Variants in CAMK1D observed in about 807,000 individuals in gnomAD.
CAMK1D encodes the protein calcium/calmodulin-dependent protein kinase type 1D.
In CAMK1D, 9 loss-of-function variants were observed where a neutral mutation model predicts 47.7. The observed-to-expected ratio is 0.19, with a 90% confidence interval of 0.11 to 0.33. CAMK1D has a LOEUF of 0.33. Ranked by LOEUF, CAMK1D falls within the 10% of genes least tolerant of loss-of-function variation. The pLI is 1.00. For missense variants in CAMK1D, 291 were observed against 488.7 expected (o/e 0.60, Z 3.81); for synonymous variants, 184 against 184.9 (o/e 0.99, Z 0.04).
At chr10:12,590,659 G>C (rs929062573) in intron 2 of CAMK1D, among the ~76,000 whole-genome samples, 1 of 152,188 alleles carries the variant, frequency 6.6e-6, no homozygotes, top group Admixed American at 6.5e-5. Context: ...TTCCAGATCA[G>C]CTCATAATGA....
chr10:12,749,859 G>T (rs1356396055), intron 3 of CAMK1D, among the ~76,000 whole-genome samples: 2 of 152,188 alleles, frequency 1.3e-5, no homozygotes, highest in Non-Finnish European at 2.9e-5. Context: ...CTCCCAAAGT[G>T]CTGGGATGAC....
intron 2 of CAMK1D, among the ~76,000 whole-genome samples, chr10:12,627,347 A>G (rs933588070): frequency 2.0e-5 from 3 of 152,048 alleles, no homozygotes; most frequent in African/African-American, 7.2e-5. Flanking sequence ...TGCCTCCCAA[A>G]GTGCTGGGAT....
chr10:12,814,125 C>A, intron 6 of CAMK1D, 70 bp from the exon 7 acceptor site: 1 of 1,017,396 alleles, frequency 9.8e-7, no homozygotes, highest in Non-Finnish European at 1.5e-6. Flanking sequence ...TCTCTTCCTT[C>A]CAGGCAAAGT....
chr10:12,595,604 G>T (rs554444942), intron 2 of CAMK1D, among the ~76,000 whole-genome samples: 2 of 151,686 alleles, frequency 1.3e-5, no homozygotes, highest in Non-Finnish European at 2.9e-5. Context: ...AGTCCAACGT[G>T]CGTGCTCTGG....
chr10:12,814,320 T>G lies in CAMK1D; in HGVS notation c.754+13T>G. The G allele has an allele frequency of 6.4e-7, 1 of 1,558,424 alleles. No homozygotes were observed. Among genetic ancestry groups the G allele is most frequent in the Non-Finnish European group, 8.9e-7 (1 of 1,129,532 alleles). On this transcript the variant is annotated intron_variant, in intron 7 of 10. Transcript: ENST00000619168. ...ATCTCCGACTCTGGTAGGTCTCCCA[T>G]AGGCAGCTCCCAGTGGGCGGCCCCC...
intron 1 of CAMK1D, among the ~76,000 whole-genome samples, chr10:12,438,970 A>C (rs1832707171): frequency 1.3e-5 from 2 of 152,100 alleles, no homozygotes; most frequent in South Asian, 4.2e-4. Context: ...CTTTCTATGG[A>C]ATTTTCCCCA....
chr10:12,589,452 C>A (rs1355677459), intron 2 of CAMK1D, among the ~76,000 whole-genome samples: 1 of 152,234 alleles, frequency 6.6e-6, no homozygotes, highest in Non-Finnish European at 1.5e-5. Context: ...CATGGCTGAG[C>A]TTCACTGACC....
chr10:12,570,383 T>G (rs556088733), intron 2 of CAMK1D, among the ~76,000 whole-genome samples: 1 of 151,952 alleles, frequency 6.6e-6, no homozygotes, highest in East Asian at 1.9e-4. Context: ...TTTACCTTTT[T>G]CAGATCTATG....
intron 1 of CAMK1D, among the ~76,000 whole-genome samples, chr10:12,542,511 T>G (rs1257543965): frequency 6.6e-6 from 1 of 152,108 alleles, no homozygotes; most frequent in Non-Finnish European, 1.5e-5. Context: ...TTTCACCGAG[T>G]GGTTGGTTTA....
chr10:12,514,729 A>G (rs1835137819), intron 1 of CAMK1D, among the ~76,000 whole-genome samples: 1 of 152,284 alleles, frequency 6.6e-6, no homozygotes, highest in Non-Finnish European at 1.5e-5. Context: ...AGCTTGAAAG[A>G]AGAAATGATA....
At chr10:12,771,176 C>A (rs1837021676) in intron 5 of CAMK1D, among the ~76,000 whole-genome samples, 1 of 152,178 alleles carries the variant, frequency 6.6e-6, no homozygotes, top group Non-Finnish European at 1.5e-5. Flanking sequence ...GTGATCCGCC[C>A]ACCTCAGCCT....
At chr10:12,508,962 G>A (rs575105748) in intron 1 of CAMK1D, among the ~76,000 whole-genome samples, 1 of 152,322 alleles carries the variant, frequency 6.6e-6, no homozygotes, top group East Asian at 1.9e-4. Context: ...CGTTTGTCCT[G>A]TTCATTGATG....
chr10:12,714,022 C>A (rs547760742), intron 3 of CAMK1D, among the ~76,000 whole-genome samples: 68 of 152,308 alleles, frequency 4.5e-4, no homozygotes, highest in African/African-American at 1.3e-3. Context: ...ACAGCTGGTA[C>A]CATCAGGCTG....
intron 3 of CAMK1D, among the ~76,000 whole-genome samples, chr10:12,757,022 G>T (rs1331490828): frequency 1.3e-5 from 2 of 152,206 alleles, no homozygotes; most frequent in African/African-American, 2.4e-5. Context: ...GAGAATTTTT[G>T]ACTATCTCTT....
chr10:12,523,625 A>G (rs1314732587), intron 1 of CAMK1D, among the ~76,000 whole-genome samples: 1 of 152,190 alleles, frequency 6.6e-6, no homozygotes, highest in African/African-American at 2.4e-5. Flanking sequence ...CACGCCTGCA[A>G]TCGCAGGCAC....
intron 1 of CAMK1D, among the ~76,000 whole-genome samples, chr10:12,518,017 T>C (rs1485912018): frequency 1.3e-5 from 2 of 152,258 alleles, no homozygotes; most frequent in East Asian, 3.8e-4. Flanking sequence ...TACTTGGACC[T>C]TCAGTTTTCT....
At chr10:12,676,739 C>T (rs995857250) in intron 3 of CAMK1D, among the ~76,000 whole-genome samples, 3 of 152,028 alleles carry the variant, frequency 2.0e-5, no homozygotes, top group African/African-American at 7.3e-5. Context: ...AAAAGAACTT[C>T]GTAGGTACCA....
At chr10:12,667,377 A>G (rs956481727) in intron 3 of CAMK1D, among the ~76,000 whole-genome samples, 9 of 152,372 alleles carry the variant, frequency 5.9e-5, no homozygotes, top group African/African-American at 1.9e-4. Flanking sequence ...TTATTTTTGC[A>G]TTCCATTAAC....
intron 1 of CAMK1D, among the ~76,000 whole-genome samples, chr10:12,371,629 G>C (rs571099842): frequency 6.6e-6 from 1 of 151,262 alleles, no homozygotes; most frequent in African/African-American, 2.4e-5. Context: ...TAGGCACAGT[G>C]GCTCACGCCT....
Sources: gnomAD v4.1 joint callset for allele counts (sites outside exome capture counted in the v4.1 genomes callset) on GRCh38, gnomAD v4.1.1 for gene constraint, MANE v1.5 for transcripts, NCBI Gene and HGNC (gene_info 2026-07-23, HGNC 2026-07-21) for gene names.